The following ZNF142 variants were observed in gnomAD, a reference collection of about 807,000 sequenced individuals.
ZNF142 encodes the protein zinc finger protein 142, also known as zinc finger protein 142 (clone pHZ-49).
Under a neutral mutation model 132.1 loss-of-function variants are expected in ZNF142, and 96 were observed. The ratio of observed to expected loss-of-function variants is 0.73; its 90% CI spans 0.62 to 0.86. The LOEUF is 0.86. Ranked by LOEUF, ZNF142 falls within the 40% of genes least tolerant of loss-of-function variation. The pLI, the probability that ZNF142 is intolerant of heterozygous loss-of-function variation, is 0.00. For synonymous variants in ZNF142, 842 were observed against 890.1 expected (o/e 0.95, Z 0.96); for missense variants, 2,163 against 2,336.2 (o/e 0.93, Z 1.53).
chr2:218,647,988 AC>A (rs1284423623), intron 7 of ZNF142, among the ~76,000 whole-genome samples: 1 of 152,242 alleles, frequency 6.6e-6, no homozygotes, highest in Non-Finnish European at 1.5e-5. Context: ...CAGGATGCCT[AC>A]AATTTTTTCT....
chr2:218,645,090 A>T, intron 8 of ZNF142, 26 bp from the exon 9 acceptor site: 1 of 1,597,510 alleles, frequency 6.3e-7, no homozygotes, highest in South Asian at 1.1e-5. Context: ...AGGGGGAGGC[A>T]ATCACAATAA....
In ZNF142 at chr2:218,648,953, G is replaced by A. The variant is rs201051795; in HGVS notation, c.1555C>T (p.Arg519Cys). The change falls in exon 7 of 11, where the codon CGC becomes TGC. Residue 519 changes from arginine (R) to cysteine (C), a missense_variant. Physicochemically the swap from Arg to Cys is radical, Grantham distance 180. Transcript: ENST00000411696. ...AAGAGCATGGGACATGAGTGATGGC[G>A]GCACTCCACAGCCCGCACCCCATGG... ...ETHGVRAVEC[R>C]HHSCPMLFAT... 40 of 1,612,782 alleles carry A rather than the reference G, an allele frequency of 2.5e-5. No individual in the cohort carries two copies. The highest frequency in any genetic ancestry group is 1.9e-4 in the African/African-American group (14 of 75,054).
Position 218,658,848 on chromosome 2 carries a change from G to A in ZNF142, c.-182C>T, listed in dbSNP as rs1049433897. The A allele has an allele frequency of 3.3e-5, 5 of 152,314 alleles. No homozygotes were observed. The highest frequency in any genetic ancestry group is 9.7e-5 in the African/African-American group (4 of 41,444). The allele number at this position is 152,314 out of a possible 1,614,324, so 9.4% of individuals were successfully genotyped here. On this transcript the variant is annotated 5_prime_UTR_variant, in exon 3 of 11. Transcript: ENST00000411696. ...TAGGAGACAGGTGGGCACCAGAGAA[G>A]AAATACGCTTATCTTCCGGGCAGGA...
chr2:218,642,105 T>C lies in ZNF142; in HGVS notation c.5011A>G (p.Ser1671Gly). ...TKNRQKITWHSRIHTGEKPYH... is the reference protein window; with the variant it reads ...TKNRQKITWHGRIHTGEKPYH... Reference sequence around the variant, plus strand: ...GGCTTTTCCCCAGTGTGGATGCGGCTGTGCCAGGTGATCTTCTGTCGGTTC... The same window carrying C: ...GGCTTTTCCCCAGTGTGGATGCGGCCGTGCCAGGTGATCTTCTGTCGGTTC... The change falls in exon 9 of 11, where the codon AGC (serine) becomes GGC (glycine). Residue 1671 changes from serine to glycine, a missense_variant. Ser to Gly is a moderately conservative substitution (Grantham distance 56). This residue lies in a region of ZNF142 where 325 missense variants were observed against 367.8 expected (regional missense o/e 0.88). Transcript: ENST00000411696. This position sits in a 1 kb window ranked among gnomAD's most constrained non-coding sequence, Gnocchi z 4.6. The C allele has an allele frequency of 1.2e-6, 2 of 1,614,216 alleles. No homozygotes were observed. The highest frequency in any genetic ancestry group is 1.1e-5 in the South Asian group (1 of 91,084).
chr2:218,655,101 A>C (rs1157217140), intron 4 of ZNF142, among the ~76,000 whole-genome samples: 9 of 152,220 alleles, frequency 5.9e-5, no homozygotes, highest in Non-Finnish European at 4.4e-5. Context: ...CAAAACCCCC[A>C]AAACCAAAAG....
At chr2:218,648,555 A>G in intron 7 of ZNF142, 80 bp downstream of exon 7, 1 of 1,396,318 alleles carries the variant, frequency 7.2e-7, no homozygotes, top group Non-Finnish European at 9.7e-7. Flanking sequence ...TCAAATGAGA[A>G]AACGTATGCA....
In ZNF142 at chr2:218,636,973, TC is replaced by T. The variant is rs1696800602; in HGVS notation, c.*1365del. Reference sequence around the variant, plus strand: ...AATAGAGAAACCTAAAGAAGCATCATCCCCTCCATCCCCAACTTCCTCAAAG... The same window carrying T: ...AATAGAGAAACCTAAAGAAGCATCATCCCTCCATCCCCAACTTCCTCAAAG... On this transcript the variant is annotated 3_prime_UTR_variant, in exon 11 of 11. Transcript: ENST00000411696. 1.4e-4 allele frequency: 62 copies of T among 452,534 alleles called. No homozygotes were observed. The highest frequency in any genetic ancestry group is 9.7e-4 in the South Asian group (62 of 63,666). The allele number at this position is 452,534 out of a possible 1,614,324, so 28.0% of individuals were successfully genotyped here. A position where few individuals can be genotyped will look rare whatever the true frequency, so the allele number is the denominator to read the frequency against.
intron 3 of ZNF142, among the ~76,000 whole-genome samples, chr2:218,657,089 A>G (rs1247817200): frequency 6.6e-6 from 1 of 152,106 alleles, no homozygotes; most frequent in Non-Finnish European, 1.5e-5. Flanking sequence ...AAGTGCTGGG[A>G]TTATAGGCGT....
chr2:218,659,366 C>T lies in ZNF142; in HGVS notation c.-362+3G>A, dbSNP rs13011338. On this transcript the variant is annotated splice_donor_region_variant and intron_variant, in intron 1 of 10. Coordinates refer to ENST00000411696, the MANE Select transcript of ZNF142 (RefSeq NM_001379659.1). This position sits in a 1 kb window ranked among gnomAD's most constrained non-coding sequence, Gnocchi z 4.4. ...CAGTTCCGCCCCGCAGCCGCTCACT[C>T]ACCTCCAGACCCAGAGCCGGCGGGA... is the stretch of plus-strand genomic sequence containing the variant. The T allele has an allele frequency of 0.041, 6,187 of 152,370 alleles. 166 individuals carry two copies. The highest frequency in any genetic ancestry group is 0.12 in the East Asian group (607 of 5,162). 9.4% of individuals were successfully genotyped at this position (152,370 alleles called of 1,614,324 possible). A position where few individuals can be genotyped will look rare whatever the true frequency, so the allele number is the denominator to read the frequency against.
chr2:218,636,483 T>G lies in ZNF142; in HGVS notation c.*1856A>C, dbSNP rs1373728355. On this transcript the variant is annotated 3_prime_UTR_variant, in exon 11 of 11. Transcript: ENST00000411696. ...CTGCCCCTTCCAGGTTACCGCCACA[T>G]TCACCTGCTGTCCAAAGATGGCATC... The G allele has an allele frequency of 6.2e-7, 1 of 1,614,024 alleles. No homozygotes were observed. Among genetic ancestry groups the G allele is most frequent in the East Asian group, 2.2e-5 (1 of 44,884 alleles).
In ZNF142 at chr2:218,646,329, A is replaced by G; in HGVS notation, c.1893T>C (p.Cys631=). 2 of 1,613,784 alleles carry G rather than the reference A, an allele frequency of 1.2e-6. No individual in the cohort carries two copies. Among genetic ancestry groups the G allele is most frequent in the African/African-American group, 1.3e-5 (1 of 75,032 alleles). The change falls in exon 8 of 11, where the codon TGT becomes TGC. Residue 631 remains cysteine, a synonymous_variant. Coordinates refer to ENST00000411696, the MANE Select transcript of ZNF142 (RefSeq NM_001379659.1). ...LLHTGEKPHK[C]ELCDFTCRDV... ...CTCGGCATGTGAAGTCACACAGCTCACACTTGTGGGGCTTCTCACCTTATA... is the reference window on the plus strand; with the variant it reads ...CTCGGCATGTGAAGTCACACAGCTCGCACTTGTGGGGCTTCTCACCTTATA...
At position 218,644,789 on chromosome 2, in the gene ZNF142, G is replaced by A; in HGVS notation, c.2327C>T (p.Ala776Val). ...GCTGAAGGTGCGGTAGTCACAGAGG[G>A]CACAGTGGAACTCACGGAGGCGGGT... is the stretch of plus-strand genomic sequence containing the variant. ...KHTRLREFHCALCDYRTFSNT... is the reference protein window; with the variant it reads ...KHTRLREFHCVLCDYRTFSNT... The change falls in exon 9 of 11, where the codon GCC (alanine) becomes GTC (valine). Residue 776 changes from alanine (A) to valine (V), a missense_variant. Physicochemically the swap from Ala to Val is moderately conservative, Grantham distance 64. This residue lies in a region of ZNF142 where 749 missense variants were observed against 830.3 expected (regional missense o/e 0.90). Coordinates refer to ENST00000411696, the MANE Select transcript of ZNF142 (RefSeq NM_001379659.1). The surrounding 1 kb of genome is among the most constrained non-coding windows in gnomAD (Gnocchi z 4.6). 3 of 1,614,226 alleles carry A rather than the reference G, an allele frequency of 1.9e-6. No individual in the cohort carries two copies. Among genetic ancestry groups the A allele is most frequent in the Non-Finnish European group, 2.5e-6 (3 of 1,180,048 alleles).
At position 218,634,143 on chromosome 2, in the gene ZNF142, C is replaced by T. The variant is rs529917751; in HGVS notation, c.*4196G>A. The T allele has an allele frequency of 2.6e-5, 42 of 1,612,594 alleles. No individual in the cohort carries two copies. Among genetic ancestry groups the T allele is most frequent in the African/African-American group, 8.0e-5 (6 of 75,008 alleles). ...GCAGCACAATACTTGGCAGTTAAGC[C>T]GTGTGTATCCCAGCGGCCTGAGGAC... is the stretch of plus-strand genomic sequence containing the variant. On this transcript the variant is annotated 3_prime_UTR_variant, in exon 11 of 11. Coordinates refer to ENST00000411696, the MANE Select transcript of ZNF142 (RefSeq NM_001379659.1). The surrounding 1 kb of genome is among the most constrained non-coding windows in gnomAD (Gnocchi z 4.0).
intron 9 of ZNF142, among the ~76,000 whole-genome samples, chr2:218,641,339 C>G (rs1697174082): frequency 6.6e-6 from 1 of 151,014 alleles, no homozygotes; most frequent in East Asian, 1.9e-4. Flanking sequence ...TTCTGCCTCC[C>G]AGGTTCACGC....
rs1696515995 is a variant in ZNF142, at chr2:218,633,542, A to G, written c.*4797T>C. ...GGGCAGAGGTTTAGGTTGGATGGCC[A>G]TTATCTTCTTCTCTCTCAGACTGCT... On this transcript the variant is annotated 3_prime_UTR_variant, in exon 11 of 11. Coordinates refer to ENST00000411696, the MANE Select transcript of ZNF142 (RefSeq NM_001379659.1). The G allele has an allele frequency of 6.4e-7, 1 of 1,562,006 alleles. No individual in the cohort carries two copies. Among genetic ancestry groups the G allele is most frequent in the Non-Finnish European group, 8.8e-7 (1 of 1,133,518 alleles).
chr2:218,650,566 A>G (rs753930238), intron 5 of ZNF142, 40 bp from the exon 6 acceptor site: 2 of 1,509,300 alleles, frequency 1.3e-6, no homozygotes, highest in Non-Finnish European at 1.8e-6. Flanking sequence ...ACAGGAGCCA[A>G]TAACAGCACT....
chr2:218,658,142 T>C (rs1040651444), intron 3 of ZNF142, among the ~76,000 whole-genome samples: 3 of 152,216 alleles, frequency 2.0e-5, no homozygotes, highest in South Asian at 2.1e-4. Flanking sequence ...TACCCTGTTA[T>C]ACATGGCTAA....
intron 4 of ZNF142, among the ~76,000 whole-genome samples, chr2:218,653,114 A>T (rs1168972344): frequency 6.6e-6 from 1 of 152,106 alleles, no homozygotes; most frequent in Non-Finnish European, 1.5e-5. Context: ...ACCCGTCTCT[A>T]CTAAAAATAC....
rs1696691151 is a variant in ZNF142, at chr2:218,635,727, G to A, written c.*2612C>T. ...AACCAAAAAGCTTCTTCTCCCCTGG[G>A]GTTGGGAGTAGGGTCGGGTGGGGCT... On this transcript the variant is annotated 3_prime_UTR_variant, in exon 11 of 11. Coordinates refer to ENST00000411696, the MANE Select transcript of ZNF142 (RefSeq NM_001379659.1). 5 of 1,546,630 alleles carry A rather than the reference G, an allele frequency of 3.2e-6. No individual in the cohort carries two copies. Among genetic ancestry groups the A allele is most frequent in the Non-Finnish European group, 3.5e-6 (4 of 1,144,336 alleles).
Sources: gnomAD v4.1 joint callset for allele counts (sites outside exome capture counted in the v4.1 genomes callset) on GRCh38, gnomAD v4.1.1 for gene constraint, gnomAD v4.1.1 regional missense constraint, Gnocchi (gnomAD v3.1) non-coding constraint, MANE v1.5 for transcripts, NCBI Gene and HGNC (gene_info 2026-07-23, HGNC 2026-07-21) for gene names.